Variants in DLG2 observed in about 807,000 individuals in gnomAD.
The protein encoded by DLG2 is discs large MAGUK scaffold protein 2.
DLG2 carries 45 observed loss-of-function variants against 132.5 expected under a neutral mutation model. The ratio of observed to expected loss-of-function variants is 0.34; its 90% CI spans 0.27 to 0.44. The LOEUF (loss-of-function observed/expected upper bound fraction) is 0.44. DLG2 is among the 20% of genes least tolerant of loss of function. The probability of loss-of-function intolerance (pLI) is 1.00; values close to 1 mark genes in which losing one functional copy is unlikely to be tolerated. For synonymous variants in DLG2, 424 were observed against 419.6 expected (o/e 1.01, Z -0.13); for missense variants, 1,045 against 1,196.9 (o/e 0.87, Z 1.87).
At chr11:83,964,813 A>G (rs1319707842) in intron 13 of DLG2, among the ~76,000 whole-genome samples, 1 of 151,980 alleles carries the variant, frequency 6.6e-6, no homozygotes, top group African/African-American at 2.4e-5. Flanking sequence ...AATTTTCTCC[A>G]GCTTACTTGC....
chr11:84,916,760 T>C (rs997794900), intron 6 of DLG2, among the ~76,000 whole-genome samples: 1 of 152,160 alleles, frequency 6.6e-6, no homozygotes, highest in Non-Finnish European at 1.5e-5. Flanking sequence ...ACTGGGAAAG[T>C]CCTACACGAT....
intron 3 of DLG2, among the ~76,000 whole-genome samples, chr11:85,556,536 T>A (rs1406403508): frequency 6.6e-6 from 1 of 151,984 alleles, no homozygotes; most frequent in Non-Finnish European, 1.5e-5. Flanking sequence ...TTTAATGTTA[T>A]AAATATATCA....
chr11:84,162,509 CTTTT>C (rs898690470), intron 9 of DLG2, among the ~76,000 whole-genome samples: 9 of 151,692 alleles, frequency 5.9e-5, no homozygotes, highest in East Asian at 3.9e-4. Context: ...ACACATTATC[CTTTT>C]TTGTTTATTA....
intron 6 of DLG2, among the ~76,000 whole-genome samples, chr11:84,632,058 G>A (rs1172035580): frequency 1.3e-5 from 2 of 152,212 alleles, no homozygotes; most frequent in African/African-American, 4.8e-5. Flanking sequence ...GAACCAGTGA[G>A]AGGAAGATGT....
intron 19 of DLG2, among the ~76,000 whole-genome samples, chr11:83,553,525 TG>T: frequency 7.1e-6 from 1 of 141,104 alleles, no homozygotes; most frequent in Non-Finnish European, 1.6e-5. Context: ...TGTGTGTGTG[TG>T]TGTTTGCTGC....
At chr11:85,349,337 T>C (rs887581057) in intron 3 of DLG2, among the ~76,000 whole-genome samples, 1 of 152,112 alleles carries the variant, frequency 6.6e-6, no homozygotes, top group Non-Finnish European at 1.5e-5. Flanking sequence ...CTAAGTGCCT[T>C]CTATCCACTA....
At chr11:85,621,833 A>G (rs2081724742) in intron 2 of DLG2, among the ~76,000 whole-genome samples, 1 of 152,252 alleles carries the variant, frequency 6.6e-6, no homozygotes, top group Admixed American at 6.5e-5. Context: ...GGTTTAGAAT[A>G]TTACATACAC....
chr11:84,886,333 A>G lies in DLG2; in HGVS notation c.357+225328T>C, dbSNP rs1412230437. Among the ~76,000 whole-genome samples the G allele has an allele frequency of 2.6e-5, 4 of 152,276 alleles. No homozygotes were observed. The East Asian group carries it at 7.7e-4, about 29-fold the overall frequency. On this transcript the variant is annotated intron_variant, in intron 6 of 27. Coordinates refer to ENST00000376104, the MANE Select transcript of DLG2 (RefSeq NM_001142699.3). Reference sequence around the variant, plus strand: ...TATGCTTATTGATTATCATATTTATAGAAGAAACAACAAGATCATTTTCTT... The same window carrying G: ...TATGCTTATTGATTATCATATTTATGGAAGAAACAACAAGATCATTTTCTT...
intron 18 of DLG2, among the ~76,000 whole-genome samples, chr11:83,734,377 TTCCTTCCTTCCTTCCTTCCTTCC>T (rs2091556116): frequency 6.9e-6 from 1 of 144,876 alleles, no homozygotes. Context: ...CCTTCCTTCC[TTCCTTCCTTCCTTCCTTCCTTCC>T]TTCCTTCCCT....
At chr11:84,022,410 C>T (rs2095420541) in intron 11 of DLG2, among the ~76,000 whole-genome samples, 4 of 152,100 alleles carry the variant, frequency 2.6e-5, no homozygotes, top group Non-Finnish European at 4.4e-5. Flanking sequence ...TTTACTCCTG[C>T]AAAATGTGCT....
At chr11:85,532,407 G>T (rs1305375856) in intron 3 of DLG2, among the ~76,000 whole-genome samples, 1 of 152,182 alleles carries the variant, frequency 6.6e-6, no homozygotes, top group African/African-American at 2.4e-5. Flanking sequence ...TAGGTTTAGT[G>T]ATTCTGCCAC....
intron 6 of DLG2, among the ~76,000 whole-genome samples, chr11:84,941,734 C>T (rs1376204052): frequency 6.7e-6 from 1 of 149,844 alleles, no homozygotes; most frequent in Non-Finnish European, 1.5e-5. Context: ...CTGGTTTTGA[C>T]ATAAGGATAA....
At chr11:85,318,844 G>C (rs2080863474) in intron 3 of DLG2, among the ~76,000 whole-genome samples, 1 of 151,758 alleles carries the variant, frequency 6.6e-6, no homozygotes, top group South Asian at 2.1e-4. Context: ...CCACTGTTGA[G>C]GTTAAGAATC....
chr11:85,418,148 G>A (rs948315739), intron 3 of DLG2, among the ~76,000 whole-genome samples: 4 of 151,844 alleles, frequency 2.6e-5, no homozygotes, highest in African/African-American at 4.8e-5. Context: ...CTTTGTTTTT[G>A]TTCTCATTGG....
chr11:83,889,000 A>T (rs990964331), intron 15 of DLG2, among the ~76,000 whole-genome samples: 1 of 152,078 alleles, frequency 6.6e-6, no homozygotes, highest in African/African-American at 2.4e-5. Context: ...AACCATAAAA[A>T]CCCTAGAAGA....
intron 9 of DLG2, among the ~76,000 whole-genome samples, chr11:84,125,877 G>C (rs1015905522): frequency 6.6e-6 from 1 of 152,184 alleles, no homozygotes; most frequent in African/African-American, 2.4e-5. Flanking sequence ...GTAAACCAGT[G>C]TGATTATGGA....
chr11:84,929,385 T>C (rs2047833727), intron 6 of DLG2, among the ~76,000 whole-genome samples: 1 of 151,940 alleles, frequency 6.6e-6, no homozygotes, highest in African/African-American at 2.4e-5. Context: ...ATTTAAAAAC[T>C]CAACATAACA....
At chr11:84,020,794 C>T (rs778469325) in intron 11 of DLG2, among the ~76,000 whole-genome samples, 1 of 152,134 alleles carries the variant, frequency 6.6e-6, no homozygotes, top group Non-Finnish European at 1.5e-5. Flanking sequence ...ATACAAAGCC[C>T]GTAAATTAGA....
chr11:83,711,108 T>A (rs572257369), intron 18 of DLG2, among the ~76,000 whole-genome samples: 1 of 152,138 alleles, frequency 6.6e-6, no homozygotes, highest in African/African-American at 2.4e-5. Flanking sequence ...CCAACCCCCT[T>A]ATTGAACTGT....
Sources: allele counts gnomAD v4.1 joint callset (sites outside exome capture counted in the v4.1 genomes callset), GRCh38; gene constraint gnomAD v4.1.1; transcripts MANE v1.5; gene names NCBI Gene and HGNC (gene_info 2026-07-23, HGNC 2026-07-21).